The following MICU1 variants were observed in gnomAD, a reference collection of about 807,000 sequenced individuals.
The protein encoded by MICU1 is calcium uptake protein 1, mitochondrial.
In MICU1, 45 loss-of-function variants were observed where a neutral mutation model predicts 56.8. The observed-to-expected ratio is 0.79, with a 90% CI of 0.62 to 1.02. The LOEUF (loss-of-function observed/expected upper bound fraction) is 1.02, where lower values mean the gene tolerates loss of function less well. Among genes scored for constraint, MICU1 ranks in the 50% least tolerant of loss-of-function variants. The pLI is 0.00. For synonymous variants in MICU1, 186 were observed against 195.1 expected (o/e 0.95, Z 0.39); for missense variants, 504 against 587.1 (o/e 0.86, Z 1.46).
chr10:72,506,130 T>C (rs1297949595), intron 6 of MICU1, among the ~76,000 whole-genome samples: 4 of 151,952 alleles, frequency 2.6e-5, no homozygotes, highest in African/African-American at 9.7e-5. Context: ...ACATTCAAAC[T>C]AGGAGTTGAG....
At chr10:72,455,105 T>C (rs184659721) in intron 8 of MICU1, among the ~76,000 whole-genome samples, 176 of 151,802 alleles carry the variant, frequency 1.2e-3, no homozygotes, top group African/African-American at 4.0e-3. Flanking sequence ...AATCCAGCAG[T>C]TTGGGAGGCC....
Position 72,468,358 on chromosome 10 carries a change from C to A in MICU1, c.933+6742G>T, listed in dbSNP as rs1390071284. 6.8e-5 allele frequency among the ~76,000 whole-genome samples: 10 copies of A among 147,738 alleles called. No homozygotes were observed. In the Admixed American group the frequency reaches 6.8e-4, roughly 10 times the overall value. ...CTTACCCCTCTCAAATTAAAATTAA[C>A]CATAACCTTTCAAATAATTTTCTAA... On this transcript the variant is annotated intron_variant, in intron 8 of 11. Coordinates refer to ENST00000361114, the MANE Select transcript of MICU1 (RefSeq NM_001195518.2).
rs547231444 is a variant in MICU1, at chr10:72,368,194, G to T, written c.*1C>A. On this transcript the variant is annotated 3_prime_UTR_variant, in exon 12 of 12. Transcript: ENST00000361114. ...GAGGGGTCCCCTCTTGCAGTGTGGG[G>T]TTACTGTTTGGGTAAAGCGAAGTCC... The T allele has an allele frequency of 1.5e-4, 248 of 1,611,328 alleles. No homozygotes were observed. The highest frequency in any genetic ancestry group is 1.1e-3 in the Middle Eastern group (6 of 5,346).
intron 1 of MICU1, among the ~76,000 whole-genome samples, chr10:72,576,225 C>CAAAAAAAAAAAAAAAAAA (rs34829939): frequency 8.8e-5 from 6 of 68,190 alleles, no homozygotes; most frequent in Admixed American, 2.0e-4. Flanking sequence ...AAAAAAACAC[C>CAAAAAAAAAAAAAAAAAA]AAAAAAAAAA....
At chr10:72,561,069 T>C (rs1478353521) in intron 3 of MICU1, among the ~76,000 whole-genome samples, 1 of 152,202 alleles carries the variant, frequency 6.6e-6, no homozygotes, top group East Asian at 1.9e-4. Context: ...AAAACAATTA[T>C]CCTTGAACAG....
chr10:72,496,090 G>A lies in MICU1; in HGVS notation c.652+12065C>T, dbSNP rs114890311. Among the ~76,000 whole-genome samples, 1,300 of 149,962 alleles carry A rather than the reference G, an allele frequency of 8.7e-3. 17 individuals carry two copies. Among genetic ancestry groups the A allele is most frequent in the African/African-American group, 0.03 (1,226 of 40,682 alleles). On this transcript the variant is annotated intron_variant, in intron 6 of 11. Transcript: ENST00000361114. ...CAAGCGATCCTCCCACCTCAGCCTCGCAATTAGCTGGAACCACAGGCACAC... is the reference window on the plus strand; with the variant it reads ...CAAGCGATCCTCCCACCTCAGCCTCACAATTAGCTGGAACCACAGGCACAC...
At chr10:72,616,122 T>A (rs1841973221) in intron 1 of MICU1, among the ~76,000 whole-genome samples, 2 of 152,260 alleles carry the variant, frequency 1.3e-5, no homozygotes, top group Admixed American at 1.3e-4. Context: ...CACTTCTGTT[T>A]TGGTTTCTAA....
intron 10 of MICU1, among the ~76,000 whole-genome samples, chr10:72,387,935 C>T (rs1452801572): frequency 2.6e-5 from 4 of 152,020 alleles, no homozygotes; most frequent in Admixed American, 6.6e-5. Context: ...TTAATGTCAA[C>T]CTAGTATATT....
At chr10:72,529,496 G>C (rs895585967) in intron 5 of MICU1, among the ~76,000 whole-genome samples, 7 of 152,068 alleles carry the variant, frequency 4.6e-5, no homozygotes, top group Admixed American at 2.0e-4. Flanking sequence ...GGTATTCCTT[G>C]CTTAAGGAAC....
intron 4 of MICU1, among the ~76,000 whole-genome samples, chr10:72,549,725 G>T (rs1202805692): frequency 6.6e-6 from 1 of 152,034 alleles, no homozygotes; most frequent in Non-Finnish European, 1.5e-5. Context: ...GAGGTCAGGG[G>T]TGTGAGATCA....
intron 8 of MICU1, among the ~76,000 whole-genome samples, chr10:72,424,200 C>T (rs1265156698): frequency 1.3e-5 from 2 of 151,520 alleles, no homozygotes; most frequent in Non-Finnish European, 2.9e-5. Flanking sequence ...GCAACCTCTA[C>T]CTCCCAGGTT....
Position 72,423,234 on chromosome 10 carries a change from C to T in MICU1, c.1071G>A (p.Lys357=), listed in dbSNP as rs780848470. The T allele has an allele frequency of 9.3e-6, 15 of 1,612,586 alleles. No individual in the cohort carries two copies. The highest frequency in any genetic ancestry group is 1.2e-5 in the Non-Finnish European group (14 of 1,179,290). ...TCTTCCTCCAGCCAAAGCTACCTAC[C>T]TTTCCTTCTTTGAAGTGCTTCTTGA... ...RQLKKHFKEG[K]GLTFQEVENF... is the part of the protein sequence containing the mutation. Residue 357 remains lysine (K), a splice_region_variant and synonymous_variant, in exon 9 of 12, where the codon AAG becomes AAA. Coordinates refer to ENST00000361114, the MANE Select transcript of MICU1 (RefSeq NM_001195518.2).
chr10:72,393,096 G>A (rs755218951), intron 10 of MICU1, among the ~76,000 whole-genome samples: 41 of 152,298 alleles, frequency 2.7e-4, no homozygotes, highest in Middle Eastern at 6.8e-3. Context: ...GGGTAGAAGG[G>A]TAGAGGTTTA....
intron 5 of MICU1, among the ~76,000 whole-genome samples, chr10:72,523,311 TATG>T (rs1228160524): frequency 1.3e-5 from 2 of 152,210 alleles, no homozygotes. Context: ...CGGTACTCTG[TATG>T]ATGTTTGTGC....
chr10:72,490,302 A>T (rs114283470), intron 6 of MICU1, among the ~76,000 whole-genome samples: 4,130 of 152,270 alleles, frequency 0.027, 183 homozygotes, highest in African/African-American at 0.095. Flanking sequence ...CAAGGGAAAA[A>T]CAAATCAGTT....
chr10:72,573,272 C>T (rs1025518667), intron 1 of MICU1, among the ~76,000 whole-genome samples: 2 of 134,094 alleles, frequency 1.5e-5, no homozygotes, highest in Admixed American at 8.7e-5. Context: ...GAGTTTGAGA[C>T]CAGCCTGGGA....
intron 8 of MICU1, among the ~76,000 whole-genome samples, chr10:72,425,429 C>T (rs532840794): frequency 2.6e-5 from 4 of 152,328 alleles, no homozygotes; most frequent in East Asian, 1.9e-4. Context: ...CACAAGGCCT[C>T]GCCTCTGTTT....
At chr10:72,599,607 T>C (rs181958069) in intron 1 of MICU1, among the ~76,000 whole-genome samples, 1 of 152,184 alleles carries the variant, frequency 6.6e-6, no homozygotes, top group African/African-American at 2.4e-5. Context: ...AGAGTAGTGA[T>C]GCTAGCAATT....
In MICU1 at chr10:72,399,013, T is replaced by C. The variant is rs577452813; in HGVS notation, c.1180+8916A>G. Among the ~76,000 whole-genome samples, 239 of 152,224 alleles carry C rather than the reference T, an allele frequency of 1.6e-3. 9 individuals carry two copies. The South Asian group carries it at 0.047, about 30-fold the overall frequency. On this transcript the variant is annotated intron_variant, in intron 10 of 11. Coordinates refer to ENST00000361114, the MANE Select transcript of MICU1 (RefSeq NM_001195518.2). ...AAAAAAAGAGAATTTTAGACCAATATCCCTGATGAACATCAATGGGAAAAT... is the reference window on the plus strand; with the variant it reads ...AAAAAAAGAGAATTTTAGACCAATACCCCTGATGAACATCAATGGGAAAAT...
Sources: allele counts gnomAD v4.1 joint callset (sites outside exome capture counted in the v4.1 genomes callset), GRCh38; gene constraint gnomAD v4.1.1; transcripts MANE v1.5; gene names NCBI Gene and HGNC (gene_info 2026-07-23, HGNC 2026-07-21).